FANCL: variants seen among roughly 807,000 people sequenced by gnomAD.
FANCL encodes FA complementation group L.
In FANCL, 69 loss-of-function variants were observed where a neutral mutation model predicts 59.4. The ratio of observed to expected loss-of-function variants is 1.16; its 90% CI spans 0.96 to 1.42. The LOEUF is 1.42. Among genes scored for constraint, FANCL ranks in the 40% most tolerant of loss-of-function variants. The pLI is 0.00. For synonymous variants in FANCL, 180 were observed against 147.1 expected, an observed-to-expected ratio of 1.22 and a Z score of -1.62; for missense variants, 519 against 447.2, an observed-to-expected ratio of 1.16 and a Z score of -1.45.
At chr2:58,191,818 C>A (rs1573645881) in intron 7 of FANCL, among the ~76,000 whole-genome samples, 1 of 152,096 alleles carries the variant, frequency 6.6e-6, no homozygotes, top group East Asian at 1.9e-4. Context: ...TAACTCCCTA[C>A]ATCACTTTGT....
intron 2 of FANCL, 77 bp downstream of exon 2, chr2:58,231,977 G>A: frequency 8.1e-7 from 1 of 1,227,990 alleles, no homozygotes; most frequent in Non-Finnish European, 1.2e-6. Context: ...CTAGTCACTA[G>A]AATCAATTTA....
intron 7 of FANCL, among the ~76,000 whole-genome samples, chr2:58,173,265 C>G (rs2104886492): frequency 1.3e-5 from 2 of 152,232 alleles, no homozygotes; most frequent in South Asian, 4.1e-4. Context: ...GGCCAACATT[C>G]AGATTAAAGA....
intron 5 of FANCL, among the ~76,000 whole-genome samples, chr2:58,206,313 G>C (rs1690577574): frequency 6.6e-6 from 1 of 151,662 alleles, no homozygotes; most frequent in African/African-American, 2.4e-5. Context: ...AAGAAATATT[G>C]CATGTAGGCA....
chr2:58,238,512 T>G lies in FANCL; in HGVS notation c.96+2706A>C, dbSNP rs543472833. ...TAATAAGGGATTATTGTAAATAACT[T>G]TAAGCCAATAAAATCAGAAACCTAG... On this transcript the variant is annotated intron_variant, in intron 1 of 13. Coordinates refer to ENST00000233741, the MANE Select transcript of FANCL (RefSeq NM_018062.4). 2.0e-5 allele frequency among the ~76,000 whole-genome samples: 3 copies of G among 152,278 alleles called. No individual in the cohort carries two copies. The South Asian group carries it at 6.2e-4, about 32-fold the overall frequency.
intron 8 of FANCL, among the ~76,000 whole-genome samples, chr2:58,163,953 T>C (rs1685595706): frequency 6.6e-6 from 1 of 151,908 alleles, no homozygotes; most frequent in Non-Finnish European, 1.5e-5. Context: ...ATACAGTAAA[T>C]GGTAAAAACA....
In FANCL at chr2:58,227,162, C is replaced by T. The variant is rs552916751; in HGVS notation, c.217-378G>A. Among the ~76,000 whole-genome samples the T allele has an allele frequency of 2.8e-4, 42 of 152,276 alleles. No individual in the cohort carries two copies. The South Asian group carries it at 3.9e-3, about 14-fold the overall frequency. On this transcript the variant is annotated intron_variant, in intron 3 of 13. Transcript: ENST00000233741. Reference sequence around the variant, plus strand: ...ATAAACCTCTAGGGGAGCATACAGACGGGCAGGCTGTGGAGCTCCAACCCC... The same window carrying T: ...ATAAACCTCTAGGGGAGCATACAGATGGGCAGGCTGTGGAGCTCCAACCCC...
chr2:58,160,051 GAA>G, intron 13 of FANCL, 55 bp downstream of exon 13: 1 of 1,606,316 alleles, frequency 6.2e-7, no homozygotes, highest in South Asian at 1.1e-5. Flanking sequence ...CTATCTTCTA[GAA>G]CATATTACTG....
At chr2:58,210,637 C>G (rs779081355) in intron 5 of FANCL, among the ~76,000 whole-genome samples, 3 of 152,142 alleles carry the variant, frequency 2.0e-5, no homozygotes, top group Non-Finnish European at 4.4e-5. Flanking sequence ...CAAGGCAAGT[C>G]TCTTCCACCG....
At chr2:58,193,869 GA>G (rs1689174327) in intron 7 of FANCL, among the ~76,000 whole-genome samples, 1 of 152,122 alleles carries the variant, frequency 6.6e-6, no homozygotes. Context: ...CATACGAACT[GA>G]GGCAAAGGGC....
intron 7 of FANCL, among the ~76,000 whole-genome samples, chr2:58,171,197 T>A (rs1199446259): frequency 6.6e-6 from 1 of 152,126 alleles, no homozygotes; most frequent in African/African-American, 2.4e-5. Context: ...GCAATCAAAT[T>A]AGAACTCAGG....
At chr2:58,192,464 G>A (rs1485769758) in intron 7 of FANCL, among the ~76,000 whole-genome samples, 1 of 151,838 alleles carries the variant, frequency 6.6e-6, no homozygotes, top group African/African-American at 2.4e-5. Context: ...TTTTTAAAAA[G>A]TGACCTCTAG....
intron 7 of FANCL, among the ~76,000 whole-genome samples, chr2:58,190,035 C>G (rs1469183074): frequency 2.0e-5 from 3 of 151,864 alleles, no homozygotes; most frequent in Non-Finnish European, 2.9e-5. Flanking sequence ...TGCAATATCT[C>G]CATCAGGTAT....
intron 7 of FANCL, among the ~76,000 whole-genome samples, chr2:58,195,084 G>A (rs909072927): frequency 6.6e-6 from 1 of 151,838 alleles, no homozygotes; most frequent in Non-Finnish European, 1.5e-5. Flanking sequence ...AACTACAACA[G>A]TAACATTTAT....
chr2:58,166,045 G>A (rs556003510), intron 7 of FANCL, among the ~76,000 whole-genome samples, 171 bp from the exon 8 acceptor site: 12 of 152,072 alleles, frequency 7.9e-5, no homozygotes, highest in Admixed American at 1.3e-4. Context: ...TTCCTACAGC[G>A]TTTACAGGAT....
Position 58,192,900 on chromosome 2 carries a change from G to A in FANCL, c.540+5694C>T, listed in dbSNP as rs1262619230. Among the ~76,000 whole-genome samples, 3 of 151,844 alleles carry A rather than the reference G, an allele frequency of 2.0e-5. 1 individual carries two copies. In the East Asian group the frequency reaches 5.8e-4, roughly 29 times the overall value. On this transcript the variant is annotated intron_variant, in intron 7 of 13. Coordinates refer to ENST00000233741, the MANE Select transcript of FANCL (RefSeq NM_018062.4). ...AAAAAACCTTGCAAACTTAACTTCTGAAGCTATGTTCACATATTTGATCAA... is the reference window on the plus strand; with the variant it reads ...AAAAAACCTTGCAAACTTAACTTCTAAAGCTATGTTCACATATTTGATCAA...
At chr2:58,225,866 G>GT (rs1342270883) in intron 4 of FANCL, among the ~76,000 whole-genome samples, 1 of 152,038 alleles carries the variant, frequency 6.6e-6, no homozygotes, top group Non-Finnish European at 1.5e-5. Context: ...TTATACATAA[G>GT]TACCTTATAA....
intron 7 of FANCL, among the ~76,000 whole-genome samples, chr2:58,192,121 G>C (rs1688983413): frequency 6.6e-6 from 1 of 151,652 alleles, no homozygotes; most frequent in Non-Finnish European, 1.5e-5. Context: ...ACCAATGAAG[G>C]CATTTGATTA....
At chr2:58,203,169 A>C (rs1388083750) in intron 6 of FANCL, among the ~76,000 whole-genome samples, 4 of 151,930 alleles carry the variant, frequency 2.6e-5, no homozygotes, top group African/African-American at 9.7e-5. Flanking sequence ...TATGGATCTT[A>C]AAATTAGACC....
At chr2:58,162,283 T>A (rs905048272) in intron 11 of FANCL, among the ~76,000 whole-genome samples, 5 of 151,898 alleles carry the variant, frequency 3.3e-5, no homozygotes, top group Admixed American at 6.6e-5. Flanking sequence ...TATAACTGCT[T>A]CACAAACACT....
Sources: allele counts gnomAD v4.1 joint callset (sites outside exome capture counted in the v4.1 genomes callset), GRCh38; gene constraint gnomAD v4.1.1; transcripts MANE v1.5; gene names NCBI Gene and HGNC (gene_info 2026-07-23, HGNC 2026-07-21).